Variants in SLC19A1 observed in about 807,000 individuals in gnomAD.
SLC19A1 encodes solute carrier family 19 member 1.
Under a neutral mutation model 35.3 loss-of-function variants are expected in SLC19A1, and 37 were observed. The ratio of observed to expected loss-of-function variants is 1.05; its 90% CI spans 0.81 to 1.38. The LOEUF (loss-of-function observed/expected upper bound fraction) is 1.38, where lower values mean the gene tolerates loss of function less well. Ranked by LOEUF, SLC19A1 falls within the 40% of genes most tolerant of loss-of-function variation. SLC19A1 has a pLI of 0.00. For missense variants in SLC19A1, 831 were observed against 826.9 expected (o/e 1.00, Z -0.06); for synonymous variants, 460 against 398.5 (o/e 1.15, Z -1.84).
intron 3 of SLC19A1, chr21:45,505,839 T>G: frequency 6.3e-7 from 1 of 1,593,000 alleles, no homozygotes; most frequent in Non-Finnish European, 8.5e-7. Flanking sequence ...TCCCAGCAGG[T>G]GAGGCTCTGG....
upstream of SLC19A1, among the ~76,000 whole-genome samples, chr21:45,547,550 A>G (rs2078427474): frequency 6.6e-6 from 1 of 152,206 alleles, no homozygotes; most frequent in South Asian, 2.1e-4. Flanking sequence ...TTTGATCTCC[A>G]CAACCCCTTA....
At chr21:45,545,958 C>T (rs1157633653), upstream of SLC19A1, among the ~76,000 whole-genome samples, 7 of 152,238 alleles carry the variant, frequency 4.6e-5, no homozygotes, top group African/African-American at 7.2e-5. Context: ...GCCCCTCTCT[C>T]CAGCCCCCAC....
At position 45,537,795 on chromosome 21, in the gene SLC19A1, G is replaced by A. The variant is rs755610987; in HGVS notation, c.165C>T (p.Pro55=). ...ESFITPYLLG[P]DKNFTREQVT... Reference sequence around the variant, plus strand: ...CCTGCTCCCGCGTGAAGTTCTTGTCGGGCCCCAGGAGGTAGGGGGTGATGA... The same window carrying A: ...CCTGCTCCCGCGTGAAGTTCTTGTCAGGCCCCAGGAGGTAGGGGGTGATGA... Residue 55 remains proline, a synonymous_variant, in exon 2 of 6, where the codon CCC becomes CCT. Transcript: ENST00000311124. 9.4e-6 allele frequency: 14 copies of A among 1,484,630 alleles called. No individual in the cohort carries two copies. The highest frequency in any genetic ancestry group is 5.9e-5 in the Admixed American group (3 of 50,790). 92.0% of individuals were successfully genotyped at this position (1,484,630 alleles called of 1,614,324 possible).
rs749541171 is a variant in SLC19A1, at chr21:45,505,187, A to AC, written c.498-6576dup. 27 of 1,604,030 alleles carry AC rather than the reference A, an allele frequency of 1.7e-5. No homozygotes were observed. Among genetic ancestry groups the AC allele is most frequent in the East Asian group, 2.2e-5 (1 of 44,498 alleles). ...AGCCCGGCCCACCTGGACCTCAGGG[A>AC]CCCCCCGGCATCGGCTACGAGGGGC... is the stretch of plus-strand genomic sequence containing the variant. On this transcript the variant is annotated intron_variant, in intron 3 of 4. Transcript: ENST00000417954.
chr21:45,510,403 GCAGGCTCCGGGTGGGTCACACCCCTC>G (rs1260723204), downstream of SLC19A1: 2 of 968,590 alleles, frequency 2.1e-6, no homozygotes, highest in Non-Finnish European at 3.2e-6. Context: ...CGACTTCAGG[GCAGGCTCCGGGTGGGTCACACCCCTC>G]CAGGCTCAGG....
At chr21:45,539,426 C>T (rs988225822) in intron 1 of SLC19A1, among the ~76,000 whole-genome samples, 1 of 152,362 alleles carries the variant, frequency 6.6e-6, no homozygotes, top group South Asian at 2.1e-4. Context: ...GCCACAGGGC[C>T]GGCTTGGGAG....
chr21:45,509,431 C>A, downstream of SLC19A1: 1 of 1,533,768 alleles, frequency 6.5e-7, no homozygotes, highest in South Asian at 1.2e-5. Flanking sequence ...GCGGGAGCAC[C>A]CCCACCCCAC....
intron 1 of SLC19A1, among the ~76,000 whole-genome samples, chr21:45,560,797 C>T (rs1020188304): frequency 6.6e-6 from 1 of 152,224 alleles, no homozygotes; most frequent in African/African-American, 2.4e-5. Flanking sequence ...ACAAGAAGAG[C>T]AGCACCCAGG....
At chr21:45,555,435 T>A (rs1602958070) in intron 1 of SLC19A1, among the ~76,000 whole-genome samples, 1 of 59,466 alleles carries the variant, frequency 1.7e-5, no homozygotes, top group Non-Finnish European at 3.2e-5. Flanking sequence ...GTGGGGGGTG[T>A]TGGGGGCGGG....
At chr21:45,549,494 G>C (rs1038028598) in intron 1 of SLC19A1, among the ~76,000 whole-genome samples, 24 of 150,884 alleles carry the variant, frequency 1.6e-4, no homozygotes, top group African/African-American at 5.6e-4. Context: ...TGCTGGAAGT[G>C]GGGGAAAGGC....
chr21:45,512,064 G>A (rs912106405), downstream of SLC19A1: 8 of 1,039,452 alleles, frequency 7.7e-6, no homozygotes, highest in Middle Eastern at 5.3e-4. Context: ...GGTTGTGGGA[G>A]CCTCTGCAGC....
downstream of SLC19A1, chr21:45,512,504 A>G (rs1311160876): frequency 2.0e-6 from 2 of 1,009,974 alleles, no homozygotes; most frequent in East Asian, 2.6e-5. Context: ...CCTGGCTGCC[A>G]TACTTTCCTG....
rs2038022690 is a variant in SLC19A1 at position 45,517,486 on chromosome 21, G to A, written c.1294-1346C>T. ...TAAAGACACCCACCCTCACCCCCAA[G>A]GAGTCAGCAGAGACCACAGGGAAGC... On this transcript the variant is annotated intron_variant, in intron 5 of 5. Coordinates refer to ENST00000311124, the MANE Select transcript of SLC19A1 (RefSeq NM_194255.4). The surrounding 1 kb of genome is among the most constrained non-coding windows in gnomAD (Gnocchi z 4.4). Among the ~76,000 whole-genome samples, 1 of 151,792 alleles carries A rather than the reference G, an allele frequency of 6.6e-6. No homozygotes were observed. Among genetic ancestry groups the A allele is most frequent in the Admixed American group, 6.6e-5 (1 of 15,252 alleles).
chr21:45,541,734 T>C (rs1187232904), intron 1 of SLC19A1: 1 of 152,240 alleles, frequency 6.6e-6, no homozygotes, highest in East Asian at 1.9e-4. Context: ...GAGACAATGG[T>C]CTGGAGATGT....
chr21:45,512,406 C>T (rs778766855), downstream of SLC19A1: 3 of 1,611,658 alleles, frequency 1.9e-6, no homozygotes, highest in Non-Finnish European at 2.5e-6. Context: ...TAGCCACCGC[C>T]TGGATGCGGA....
chr21:45,529,977 G>A (rs572639951), intron 4 of SLC19A1, among the ~76,000 whole-genome samples: 3 of 151,236 alleles, frequency 2.0e-5, no homozygotes, highest in African/African-American at 7.3e-5. Flanking sequence ...GTGTGTTCAT[G>A]TGAGTGTGGT....
chr21:45,552,535 C>T (rs1488679571), intron 1 of SLC19A1, among the ~76,000 whole-genome samples: 2 of 152,188 alleles, frequency 1.3e-5, no homozygotes, highest in African/African-American at 4.8e-5. Context: ...GGGTCCTACC[C>T]AGGCCCGGGT....
At chr21:45,509,630 TC>T, downstream of SLC19A1, 2 of 1,206,884 alleles carry the variant, frequency 1.7e-6, no homozygotes, top group Non-Finnish European at 2.4e-6. Context: ...TGGGCTTGGC[TC>T]CATCTAGCCC....
chr21:45,510,274 A>C, downstream of SLC19A1: 23 of 1,595,286 alleles, frequency 1.4e-5, no homozygotes, highest in Non-Finnish European at 2.0e-5. Context: ...GGGTCAGTCC[A>C]GTCCTGAGGG....
Sources: allele counts gnomAD v4.1 joint callset (sites outside exome capture counted in the v4.1 genomes callset), GRCh38; gene constraint gnomAD v4.1.1; non-coding constraint Gnocchi (gnomAD v3.1); transcripts MANE v1.5; gene names NCBI Gene and HGNC (gene_info 2026-07-23, HGNC 2026-07-21).